RAB1A: variants seen among roughly 807,000 people sequenced by gnomAD.
The protein encoded by RAB1A is RAB1A, member RAS oncogene family.
A neutral mutation model predicts 26.0 loss-of-function variants in RAB1A; 2 were observed. That is an observed-to-expected ratio of 0.08 (90% CI 0.03 to 0.24). RAB1A has a LOEUF of 0.24. Among genes scored for constraint, RAB1A ranks in the 10% least tolerant of loss-of-function variants. RAB1A has a pLI of 1.00. For missense variants in RAB1A, 100 were observed against 247.0 expected (o/e 0.40, Z 3.99); for synonymous variants, 84 against 84.9 (o/e 0.99, Z 0.06).
rs1453225785 is a variant in RAB1A, at chr2:65,087,830, C to G, written c.*663G>C. Reference sequence around the variant, plus strand: ...GAATATAATGCAAGGCTCTATTTCCCTTTAACCATAAGAATCAAAACAATA... The same window carrying G: ...GAATATAATGCAAGGCTCTATTTCCGTTTAACCATAAGAATCAAAACAATA... On this transcript the variant is annotated 3_prime_UTR_variant, in exon 6 of 6. Transcript: ENST00000409784. The G allele has an allele frequency of 2.6e-5, 4 of 152,624 alleles. No homozygotes were observed. The highest frequency in any genetic ancestry group is 5.9e-5 in the Non-Finnish European group (4 of 68,024). The allele number at this position is 152,624 out of a possible 1,614,324, so 9.5% of individuals were successfully genotyped here.
chr2:65,121,235 GAAAAA>G (rs34280362), intron 1 of RAB1A, among the ~76,000 whole-genome samples: 1 of 91,388 alleles, frequency 1.1e-5, no homozygotes, highest in African/African-American at 4.3e-5. Context: ...ATCATGTCTC[GAAAAA>G]AAAAAAAAAA....
chr2:65,115,448 C>G (rs896186940), intron 1 of RAB1A, among the ~76,000 whole-genome samples: 3 of 152,194 alleles, frequency 2.0e-5, no homozygotes, highest in African/African-American at 7.2e-5. Flanking sequence ...CTCCACAGAA[C>G]ACAATTCAAA....
chr2:65,088,907 A>G, intron 5 of RAB1A, 32 bp downstream of exon 5: 1 of 1,573,524 alleles, frequency 6.4e-7, no homozygotes, highest in Non-Finnish European at 8.6e-7. Context: ...AACACCTTCA[A>G]ATTCAGTATG....
At chr2:65,100,400 CAAAAAA>C (rs34166798) in intron 2 of RAB1A, among the ~76,000 whole-genome samples, 3 of 57,974 alleles carry the variant, frequency 5.2e-5, no homozygotes, top group African/African-American at 1.4e-4. Flanking sequence ...GTCTCTGTCT[CAAAAAA>C]AAAAAAAAAA....
At chr2:65,125,333 TTTC>T (rs1195780608) in intron 1 of RAB1A, among the ~76,000 whole-genome samples, 1 of 152,032 alleles carries the variant, frequency 6.6e-6, no homozygotes, top group African/African-American at 2.4e-5. Context: ...TCAAAATTAT[TTTC>T]TTGACACTAA....
intron 1 of RAB1A, among the ~76,000 whole-genome samples, chr2:65,115,382 C>T (rs1175877289): frequency 1.3e-5 from 2 of 152,116 alleles, no homozygotes; most frequent in African/African-American, 4.8e-5. Flanking sequence ...ATAAAAACTT[C>T]AGCTGCAATG....
At chr2:65,120,747 T>A (rs1392310958) in intron 1 of RAB1A, among the ~76,000 whole-genome samples, 1 of 152,128 alleles carries the variant, frequency 6.6e-6, no homozygotes, top group Non-Finnish European at 1.5e-5. Context: ...GGGTTAAATG[T>A]AACAGTCCCA....
intron 1 of RAB1A, among the ~76,000 whole-genome samples, chr2:65,112,414 T>A (rs1341743816): frequency 6.6e-6 from 1 of 152,140 alleles, no homozygotes; most frequent in Non-Finnish European, 1.5e-5. Flanking sequence ...CCCAAAGTGT[T>A]GGGATTATAG....
intron 2 of RAB1A, among the ~76,000 whole-genome samples, chr2:65,100,378 G>A (rs990303991): frequency 7.2e-6 from 1 of 139,624 alleles, no homozygotes; most frequent in Admixed American, 7.4e-5. Flanking sequence ...TCCAGCCCAG[G>A]CGACAAGGCA....
At chr2:65,120,619 C>T (rs1177947007) in intron 1 of RAB1A, among the ~76,000 whole-genome samples, 3 of 152,062 alleles carry the variant, frequency 2.0e-5, no homozygotes, top group African/African-American at 7.2e-5. Flanking sequence ...ATCTGAGGTT[C>T]ATGAACAGCC....
At chr2:65,091,344 C>G (rs1384031094) in intron 3 of RAB1A, among the ~76,000 whole-genome samples, 6 of 152,186 alleles carry the variant, frequency 3.9e-5, no homozygotes, top group Admixed American at 3.9e-4. Flanking sequence ...TCATACTTTT[C>G]ACATTCCCTA....
chr2:65,122,415 A>T (rs951604976), intron 1 of RAB1A, among the ~76,000 whole-genome samples: 2 of 146,888 alleles, frequency 1.4e-5, no homozygotes, highest in Admixed American at 1.4e-4. Flanking sequence ...AAAATTAGCC[A>T]GGTGTGGTGG....
intron 3 of RAB1A, among the ~76,000 whole-genome samples, chr2:65,095,848 C>T (rs192133036): frequency 4.6e-5 from 7 of 151,354 alleles, no homozygotes; most frequent in Admixed American, 6.6e-5. Flanking sequence ...CCCATCTCTA[C>T]GAAAAATACA....
Position 65,104,058 on chromosome 2 carries a change from G to T in RAB1A, c.96+676C>A, listed in dbSNP as rs566047341. 7.2e-4 allele frequency among the ~76,000 whole-genome samples: 110 copies of T among 152,282 alleles called. No homozygotes were observed. In the Middle Eastern group the frequency reaches 0.01, roughly 14 times the overall value. On this transcript the variant is annotated intron_variant, in intron 2 of 5. Transcript: ENST00000409784. ...CTCCCAAAGTGCTGGGATTACAGGCGTGAGCCACCGCACCTGGCCAGGAAA... is the reference window on the plus strand; with the variant it reads ...CTCCCAAAGTGCTGGGATTACAGGCTTGAGCCACCGCACCTGGCCAGGAAA...
chr2:65,122,692 T>C (rs966194466), intron 1 of RAB1A, among the ~76,000 whole-genome samples: 1 of 151,942 alleles, frequency 6.6e-6, no homozygotes, highest in Non-Finnish European at 1.5e-5. Flanking sequence ...AGAAAGCTAT[T>C]CTGGCCAGAC....
Position 65,088,410 on chromosome 2 carries a change from A to T in RAB1A, c.*83T>A. On this transcript the variant is annotated 3_prime_UTR_variant, in exon 6 of 6. Coordinates refer to ENST00000409784, the MANE Select transcript of RAB1A (RefSeq NM_004161.5). ...AGAATCTGTTGTAGTGCAGCTACAT[A>T]CAGTACAATTCAGGCAATTTTGTTT... 2 of 1,148,360 alleles carry T rather than the reference A, an allele frequency of 1.7e-6. No homozygotes were observed. The highest frequency in any genetic ancestry group is 2.4e-6 in the Non-Finnish European group (2 of 818,938). 71.1% of individuals were successfully genotyped at this position (1,148,360 alleles called of 1,614,324 possible).
rs763943567 is a variant in RAB1A at position 65,088,475 on chromosome 2, A to G, written c.*18T>C. The G allele has an allele frequency of 1.9e-6, 3 of 1,581,006 alleles. No individual in the cohort carries two copies. In the East Asian group the frequency reaches 6.8e-5, roughly 36 times the overall value. The stretch of plus-strand genomic sequence containing the variant: ...AGATTGCAAATTCATTGCTGTGAGA[A>G]AAGGATGGAGGCAAATTTTAGCAGC... On this transcript the variant is annotated 3_prime_UTR_variant, in exon 6 of 6. Transcript: ENST00000409784.
In RAB1A at chr2:65,088,426, A is replaced by G. The variant is rs1669087585; in HGVS notation, c.*67T>C. 2 of 1,354,332 alleles carry G rather than the reference A, an allele frequency of 1.5e-6. No individual in the cohort carries two copies. Among genetic ancestry groups the G allele is most frequent in the Admixed American group, 4.6e-5 (2 of 43,408 alleles). 83.9% of individuals were successfully genotyped at this position (1,354,332 alleles called of 1,614,324 possible). On this transcript the variant is annotated 3_prime_UTR_variant, in exon 6 of 6. Coordinates refer to ENST00000409784, the MANE Select transcript of RAB1A (RefSeq NM_004161.5). Reference sequence around the variant, plus strand: ...CAGCTACATACAGTACAATTCAGGCAATTTTGTTTTTTCACTTGGGTTCAG... The same window carrying G: ...CAGCTACATACAGTACAATTCAGGCGATTTTGTTTTTTCACTTGGGTTCAG...
intron 2 of RAB1A, among the ~76,000 whole-genome samples, chr2:65,102,541 C>G (rs1277803235): frequency 6.6e-6 from 1 of 151,856 alleles, no homozygotes; most frequent in Non-Finnish European, 1.5e-5. Context: ...AGCTACTTCC[C>G]TTGAAATGAC....
Sources: allele counts gnomAD v4.1 joint callset (sites outside exome capture counted in the v4.1 genomes callset), GRCh38; gene constraint gnomAD v4.1.1; transcripts MANE v1.5; gene names NCBI Gene and HGNC (gene_info 2026-07-23, HGNC 2026-07-21).